CSMD1: variants seen among roughly 807,000 people sequenced by gnomAD.
The protein encoded by CSMD1 is CUB and sushi domain-containing protein 1.
Under a neutral mutation model 417.5 loss-of-function variants are expected in CSMD1, and 213 were observed. The ratio of observed to expected loss-of-function variants is 0.51; its 90% CI spans 0.46 to 0.57. CSMD1 has a LOEUF of 0.57. CSMD1 is among the 20% of genes least tolerant of loss of function. The pLI is 0.00. For synonymous variants in CSMD1, 2,862 were observed against 1,736.8 expected, an observed-to-expected ratio of 1.65 and a Z score of -16.11; for missense variants, 6,923 against 4,529.7, an observed-to-expected ratio of 1.53 and a Z score of -15.17.
At chr8:4,757,395 G>T (rs189925016) in intron 1 of CSMD1, among the ~76,000 whole-genome samples, 1 of 152,084 alleles carries the variant, frequency 6.6e-6, no homozygotes, top group African/African-American at 2.4e-5. Flanking sequence ...ACAAAAACTC[G>T]TTCATCTATA....
At chr8:3,110,086 A>C (rs1244858024) in intron 43 of CSMD1, 72 bp downstream of exon 43, 2 of 1,240,024 alleles carry the variant, frequency 1.6e-6, no homozygotes, top group Non-Finnish European at 2.2e-6. Flanking sequence ...CTTGTATATA[A>C]GTGGCATATG....
intron 1 of CSMD1, among the ~76,000 whole-genome samples, chr8:4,641,358 G>C (rs542958743): frequency 6.6e-6 from 1 of 152,186 alleles, no homozygotes; most frequent in Non-Finnish European, 1.5e-5. Flanking sequence ...AAGAATCAGA[G>C]AGTTAGTTTT....
chr8:3,660,299 C>T (rs1171054889), intron 7 of CSMD1, among the ~76,000 whole-genome samples: 1 of 151,934 alleles, frequency 6.6e-6, no homozygotes, highest in East Asian at 1.9e-4. Flanking sequence ...ATCTGTGAAG[C>T]GGGATGGTAA....
At chr8:3,373,511 T>G (rs1019078026) in intron 18 of CSMD1, 1 of 152,204 alleles carries the variant, frequency 6.6e-6, no homozygotes. Context: ...AAATTTGATG[T>G]ATGGAGAATT....
chr8:4,207,078 A>G (rs1271265402), intron 3 of CSMD1, among the ~76,000 whole-genome samples: 2 of 152,186 alleles, frequency 1.3e-5, no homozygotes, highest in Non-Finnish European at 2.9e-5. Context: ...TGTATTATGA[A>G]TGCCAGAAAA....
intron 2 of CSMD1, among the ~76,000 whole-genome samples, chr8:4,545,851 T>C (rs189978221): frequency 1.4e-3 from 208 of 152,346 alleles, no homozygotes; most frequent in African/African-American, 4.9e-3. Flanking sequence ...TCTAGGAAGA[T>C]CATTTCATCA....
chr8:3,844,903 G>T (rs570635404), intron 5 of CSMD1, among the ~76,000 whole-genome samples: 2 of 134,968 alleles, frequency 1.5e-5, no homozygotes, highest in Non-Finnish European at 3.0e-5. Flanking sequence ...GTCAATATTT[G>T]TCTGTGCATT....
At chr8:4,095,973 T>A (rs2130862171) in intron 3 of CSMD1, among the ~76,000 whole-genome samples, 1 of 152,312 alleles carries the variant, frequency 6.6e-6, no homozygotes, top group South Asian at 2.1e-4. Flanking sequence ...GACAAAATAT[T>A]TCTTAACCAA....
intron 5 of CSMD1, among the ~76,000 whole-genome samples, chr8:3,964,142 CAAGAGGGTG>C (rs1177600506): frequency 4.6e-5 from 7 of 152,138 alleles, no homozygotes; most frequent in African/African-American, 1.7e-4. Context: ...AAAATTCACC[CAAGAGGGTG>C]AAGACCAATT....
intron 3 of CSMD1, among the ~76,000 whole-genome samples, chr8:4,291,492 G>A (rs769617383): frequency 6.6e-6 from 1 of 152,058 alleles, no homozygotes; most frequent in African/African-American, 2.4e-5. Context: ...AATTCCCAGT[G>A]ATTCTGACAT....
At chr8:3,228,204 C>T (rs532510996) in intron 27 of CSMD1, among the ~76,000 whole-genome samples, 22 of 152,000 alleles carry the variant, frequency 1.4e-4, no homozygotes, top group Non-Finnish European at 2.1e-4. Context: ...TATAAAATGT[C>T]TTCAGTAAAA....
At chr8:3,726,747 A>T (rs1267945960) in intron 6 of CSMD1, among the ~76,000 whole-genome samples, 3 of 152,180 alleles carry the variant, frequency 2.0e-5, no homozygotes, top group African/African-American at 7.2e-5. Context: ...TTGCCAGTCC[A>T]GTTCTCATTC....
At chr8:4,692,995 A>T (rs1000957676) in intron 1 of CSMD1, among the ~76,000 whole-genome samples, 2 of 152,172 alleles carry the variant, frequency 1.3e-5, no homozygotes, top group African/African-American at 4.8e-5. Flanking sequence ...CCTGGAACAA[A>T]GCTCATCATG....
At chr8:4,842,678 A>G (rs1383362465) in intron 1 of CSMD1, among the ~76,000 whole-genome samples, 1 of 152,216 alleles carries the variant, frequency 6.6e-6, no homozygotes, top group Admixed American at 6.5e-5. Flanking sequence ...GAACTCAGGA[A>G]TTTTAATAAA....
At chr8:3,546,228 T>C (rs1314140422) in intron 10 of CSMD1, among the ~76,000 whole-genome samples, 1 of 152,016 alleles carries the variant, frequency 6.6e-6, no homozygotes, top group African/African-American at 2.4e-5. Flanking sequence ...TCTATGCAGA[T>C]AGTGCCCTCA....
At chr8:3,877,510 G>A (rs4388474) in intron 5 of CSMD1, among the ~76,000 whole-genome samples, 99,691 of 151,814 alleles carry the variant, frequency 0.66, 34,448 homozygotes, top group Middle Eastern at 0.79. Context: ...ATTTACTTAT[G>A]GATACCCTCA....
chr8:4,460,347 G>T (rs958139897), intron 2 of CSMD1, among the ~76,000 whole-genome samples: 10 of 152,008 alleles, frequency 6.6e-5, no homozygotes, highest in African/African-American at 2.2e-4. Context: ...TGCATAGAGG[G>T]AAATTTAGAG....
intron 16 of CSMD1, among the ~76,000 whole-genome samples, chr8:3,398,417 G>A (rs182952192): frequency 1.2e-4 from 19 of 152,186 alleles, no homozygotes; most frequent in African/African-American, 2.4e-4. Context: ...TCAGAAGCAA[G>A]TGAAAAAATA....
chr8:3,204,819 T>C (rs1797162825), intron 31 of CSMD1, among the ~76,000 whole-genome samples: 2 of 152,224 alleles, frequency 1.3e-5, no homozygotes, highest in African/African-American at 4.8e-5. Flanking sequence ...GTCTTTAAGA[T>C]GATGACAGCT....
Sources: gnomAD v4.1 joint callset for allele counts (sites outside exome capture counted in the v4.1 genomes callset) on GRCh38, gnomAD v4.1.1 for gene constraint, MANE v1.5 for transcripts, NCBI Gene and HGNC (gene_info 2026-07-23, HGNC 2026-07-21) for gene names.